The following INPP4B variants were observed in gnomAD, a reference collection of about 807,000 sequenced individuals.
INPP4B encodes inositol polyphosphate 4-phosphatase type II.
Under a neutral mutation model 122.5 loss-of-function variants are expected in INPP4B, and 55 were observed. That is an observed-to-expected ratio of 0.45 (90% CI 0.36 to 0.56). The LOEUF (loss-of-function observed/expected upper bound fraction) is 0.56. INPP4B is among the 20% of genes least tolerant of loss of function. The probability of loss-of-function intolerance (pLI) is 0.00; values close to 1 mark genes in which losing one functional copy is unlikely to be tolerated. For synonymous variants in INPP4B, 403 were observed against 388.7 expected, an observed-to-expected ratio of 1.04 and a Z score of -0.43; for missense variants, 1,000 against 1,097.7, an observed-to-expected ratio of 0.91 and a Z score of 1.26.
At chr4:142,637,051 C>A (rs911769447) in intron 2 of INPP4B, among the ~76,000 whole-genome samples, 28 of 152,040 alleles carry the variant, frequency 1.8e-4, no homozygotes, top group African/African-American at 6.3e-4. Flanking sequence ...TTTTTTAAAG[C>A]AGTTTTAGGT....
At chr4:142,037,467 T>G (rs1744693374) in intron 25 of INPP4B, among the ~76,000 whole-genome samples, 1 of 152,156 alleles carries the variant, frequency 6.6e-6, no homozygotes, top group Admixed American at 6.5e-5. Flanking sequence ...CATTAATAGG[T>G]TTGCTATTTG....
intron 16 of INPP4B, among the ~76,000 whole-genome samples, chr4:142,170,737 A>G (rs995018077): frequency 1.3e-5 from 2 of 151,806 alleles, no homozygotes; most frequent in African/African-American, 2.4e-5. Context: ...CGTAATAACC[A>G]CTACTATCGA....
At chr4:142,261,878 A>G (rs890419682) in intron 10 of INPP4B, among the ~76,000 whole-genome samples, 2 of 152,200 alleles carry the variant, frequency 1.3e-5, no homozygotes, top group African/African-American at 4.8e-5. Flanking sequence ...ATGGGGTACA[A>G]AAGTGCTTTC....
At chr4:142,842,649 TTA>T (rs1269591253) in intron 1 of INPP4B, among the ~76,000 whole-genome samples, 85 of 134,098 alleles carry the variant, frequency 6.3e-4, no homozygotes, top group Admixed American at 1.2e-3. Context: ...ACATAATATA[TTA>T]TGTTAATATA....
intron 2 of INPP4B, among the ~76,000 whole-genome samples, chr4:142,625,741 T>G (rs1356077776): frequency 2.6e-5 from 4 of 151,926 alleles, no homozygotes; most frequent in Non-Finnish European, 4.4e-5. Context: ...TATACTACAA[T>G]GCAACAGTAA....
rs559810097 is a variant in INPP4B at position 142,582,151 on chromosome 4, A to T, written c.-190-119425T>A. 1.5e-4 allele frequency among the ~76,000 whole-genome samples: 22 copies of T among 151,208 alleles called. 3 individuals are homozygous for T. In the East Asian group the frequency reaches 4.1e-3, roughly 28 times the overall value. ...CCAAGTGGTCTTGAACACCTTCTCC[A>T]CTCATTTCCCTAATCTGCTGAAAAC... On this transcript the variant is annotated intron_variant, in intron 2 of 25. Coordinates refer to ENST00000262992, the MANE Select transcript of INPP4B (RefSeq NM_001101669.3).
chr4:142,515,694 A>G (rs902441634), intron 2 of INPP4B, among the ~76,000 whole-genome samples: 6 of 152,174 alleles, frequency 3.9e-5, no homozygotes, highest in African/African-American at 1.4e-4. Flanking sequence ...TCCTTCTTTC[A>G]TATAATTCAT....
chr4:142,047,074 C>T (rs1486581820), intron 25 of INPP4B, among the ~76,000 whole-genome samples: 1 of 151,948 alleles, frequency 6.6e-6, no homozygotes, highest in Non-Finnish European at 1.5e-5. Context: ...CTAACAGAGC[C>T]ATCATTTCTG....
At chr4:142,587,182 G>A (rs1238928066) in intron 2 of INPP4B, among the ~76,000 whole-genome samples, 1 of 152,114 alleles carries the variant, frequency 6.6e-6, no homozygotes, top group African/African-American at 2.4e-5. Flanking sequence ...GGGTTATCCT[G>A]TAATGGCCAG....
In INPP4B at chr4:142,148,751, T is replaced by C. The variant is rs150790414; in HGVS notation, c.1564-2755A>G. ...TTTGTAGCCTGTAAAGAGATCTTCA[T>C]TGGTCTGAGGAGCGTAGTGAAGCAT... On this transcript the variant is annotated intron_variant, in intron 17 of 25. Coordinates refer to ENST00000262992, the MANE Select transcript of INPP4B (RefSeq NM_001101669.3). Among the ~76,000 whole-genome samples the C allele has an allele frequency of 8.9e-4, 136 of 152,312 alleles. 3 individuals carry two copies. In the East Asian group the frequency reaches 0.02, roughly 22 times the overall value.
intron 8 of INPP4B, among the ~76,000 whole-genome samples, chr4:142,311,789 T>C (rs1005536294): frequency 1.3e-5 from 2 of 152,216 alleles, no homozygotes; most frequent in African/African-American, 4.8e-5. Flanking sequence ...AATTATTGTT[T>C]TCCAGAATTG....
At chr4:142,611,949 G>A (rs920482077) in intron 2 of INPP4B, among the ~76,000 whole-genome samples, 27 of 152,278 alleles carry the variant, frequency 1.8e-4, no homozygotes, top group Non-Finnish European at 2.2e-4. Flanking sequence ...GATTATAGGC[G>A]TGAGCCACTG....
chr4:142,031,453 A>C (rs1250453412), intron 25 of INPP4B, among the ~76,000 whole-genome samples: 1 of 152,220 alleles, frequency 6.6e-6, no homozygotes, highest in Non-Finnish European at 1.5e-5. Flanking sequence ...TAATTATTTC[A>C]TACAATATGA....
intron 7 of INPP4B, among the ~76,000 whole-genome samples, chr4:142,391,324 G>A (rs945603203): frequency 2.6e-5 from 4 of 152,292 alleles, no homozygotes; most frequent in South Asian, 2.1e-4. Flanking sequence ...CTGGGAAGCC[G>A]AGGCGGGTGG....
At chr4:142,480,891 T>C (rs1239092248) in intron 2 of INPP4B, among the ~76,000 whole-genome samples, 1 of 151,810 alleles carries the variant, frequency 6.6e-6, no homozygotes, top group Admixed American at 6.6e-5. Flanking sequence ...GAAAAGGGAA[T>C]GTCTAAGGGT....
chr4:142,686,780 A>C (rs994257634), intron 2 of INPP4B, among the ~76,000 whole-genome samples: 1 of 151,950 alleles, frequency 6.6e-6, no homozygotes, highest in African/African-American at 2.4e-5. Context: ...ATTTGAAAAA[A>C]CCAACCTTTG....
intron 5 of INPP4B, among the ~76,000 whole-genome samples, chr4:142,407,488 CAG>C (rs1340715831): frequency 6.6e-6 from 1 of 152,144 alleles, no homozygotes; most frequent in Non-Finnish European, 1.5e-5. Flanking sequence ...CCCATAAAAA[CAG>C]AGAAAATTTC....
rs1764464192 is a variant in INPP4B, at chr4:142,720,759, T to TATATATATATATACATATATA, written c.-191+5079_-191+5080insTATATATGTATATATATATAT. Among the ~76,000 whole-genome samples, 16 of 50,850 alleles carry TATATATATATATACATATATA rather than the reference T, an allele frequency of 3.1e-4. 1 individual carries two copies. The highest frequency in any genetic ancestry group is 2.5e-3 in the Admixed American group (9 of 3,604). The allele number at this position is 50,850 out of a possible 152,430, so 33.4% of individuals were successfully genotyped here. A position where few individuals can be genotyped will look rare whatever the true frequency, so the allele number is the denominator to read the frequency against. ...ATATATATATATATACATATATATA[T>TATATATATATATACATATATA]AATCTCTCTCTCTCTCTCTCTCTCT... On this transcript the variant is annotated intron_variant, in intron 2 of 25. Coordinates refer to ENST00000262992, the MANE Select transcript of INPP4B (RefSeq NM_001101669.3).
intron 12 of INPP4B, among the ~76,000 whole-genome samples, chr4:142,217,711 T>G (rs1323506567): frequency 6.6e-6 from 1 of 152,202 alleles, no homozygotes; most frequent in African/African-American, 2.4e-5. Flanking sequence ...AGTGTTTCCA[T>G]GAGGAGATTT....
Sources: allele counts gnomAD v4.1 joint callset (sites outside exome capture counted in the v4.1 genomes callset), GRCh38; gene constraint gnomAD v4.1.1; transcripts MANE v1.5; gene names NCBI Gene and HGNC (gene_info 2026-07-23, HGNC 2026-07-21).